PLEC: variants seen among roughly 807,000 people sequenced by gnomAD.
PLEC encodes plectin.
Under a neutral mutation model 392.8 loss-of-function variants are expected in PLEC, and 216 were observed. That is an observed-to-expected ratio of 0.55 (90% confidence interval 0.49 to 0.62). The LOEUF (loss-of-function observed/expected upper bound fraction) is 0.62. Among genes scored for constraint, PLEC ranks in the 20% least tolerant of loss-of-function variants. The pLI is 0.00. For missense variants in PLEC, 6,863 were observed against 6,563.4 expected, an observed-to-expected ratio of 1.05 and a Z score of -1.58; for synonymous variants, 3,621 against 2,980.6, an observed-to-expected ratio of 1.21 and a Z score of -7.00.
intron 1 of PLEC, among the ~76,000 whole-genome samples, chr8:143,961,626 G>A (rs977242000): frequency 1.3e-5 from 2 of 152,148 alleles, no homozygotes; most frequent in Admixed American, 6.5e-5. Flanking sequence ...ATTAAACTCC[G>A]TGTCCTAGGA....
chr8:143,940,870 G>A (rs925817269), upstream of PLEC, among the ~76,000 whole-genome samples: 1 of 152,118 alleles, frequency 6.6e-6, no homozygotes, highest in African/African-American at 2.4e-5. Flanking sequence ...CGTACACGCC[G>A]CCCAACGAAG....
intron 5 of PLEC, among the ~76,000 whole-genome samples, chr8:143,936,541 C>T (rs916156000): frequency 2.6e-5 from 4 of 152,236 alleles, no homozygotes; most frequent in Non-Finnish European, 4.4e-5. Flanking sequence ...GCCCACCCAC[C>T]CCTAGCTGCC....
In PLEC at chr8:143,918,665, A is replaced by G. The variant is rs782436708; in HGVS notation, c.11156T>C (p.Val3719Ala). 11 of 1,612,732 alleles carry G rather than the reference A, an allele frequency of 6.8e-6. No individual in the cohort carries two copies. The African/African-American group carries it at 1.5e-4, about 22-fold the overall frequency. Residue 3719 changes from valine to alanine, a missense_variant, in exon 32 of 32, where the codon GTG becomes GCG. Transcript: ENST00000345136. ...ALKKGLLSAE[V>A]ARLLLEAQAA... ...CTGTGCCTCCAGCAGCAGGCGGGCC[A>G]CCTCGGCACTCAGCAGCCCTTTCTT... is the stretch of plus-strand genomic sequence containing the variant.
Position 143,927,959 on chromosome 8 carries a change from C to A in PLEC, c.3294G>T (p.Thr1098=), listed in dbSNP as rs576249509. 2 of 1,601,402 alleles carry A rather than the reference C, an allele frequency of 1.2e-6. No homozygotes were observed. Among genetic ancestry groups the A allele is most frequent in the Non-Finnish European group, 1.7e-6 (2 of 1,171,944 alleles). Residue 1098 remains threonine, a synonymous_variant, in exon 26 of 32, where the codon ACG becomes ACT. Coordinates refer to ENST00000345136, the MANE Select transcript of PLEC (RefSeq NM_201384.3). ...CCCTGAGCACCTCCTCGGCCCCCTG[C>A]GTGCCGCGGATCACCAGGCTGATGG... is the stretch of plus-strand genomic sequence containing the variant. ...LKTISLVIRG[T]QGAEEVLRAH... is the part of the protein sequence containing the mutation.
chr8:143,942,279 C>T, upstream of PLEC: 1 of 1,327,078 alleles, frequency 7.5e-7, no homozygotes, highest in South Asian at 1.3e-5. Flanking sequence ...TGCACCGGGC[C>T]AAGGCGCCAC....
At chr8:143,962,504 C>T (rs545042486) in intron 1 of PLEC, among the ~76,000 whole-genome samples, 1 of 152,276 alleles carries the variant, frequency 6.6e-6, no homozygotes, top group South Asian at 2.1e-4. Flanking sequence ...GCCTCTGTGA[C>T]GAATATCTGA....
At chr8:143,948,869 C>T (rs565357707) in intron 1 of PLEC, among the ~76,000 whole-genome samples, 19 of 152,332 alleles carry the variant, frequency 1.2e-4, no homozygotes, top group African/African-American at 3.4e-4. Context: ...GCAGGGGTGC[C>T]GGGTGGGAGA....
In PLEC at chr8:143,919,887, C is replaced by A; in HGVS notation, c.9934G>T (p.Val3312Leu). ...GAAGCCAGGAGCTCGCTGGCTGGCA[C>A]AGGGGCACGGAGGCCGCTGAAGGAC... ...RLSFSGLRAP[V>L]PASELLASGV... Residue 3312 changes from valine to leucine, a missense_variant, in exon 32 of 32, where the codon GTG becomes TTG. By Grantham distance (32) the Val-to-Leu change is conservative (BLOSUM62 1). Coordinates refer to ENST00000345136, the MANE Select transcript of PLEC (RefSeq NM_201384.3). 6.2e-7 allele frequency: 1 copy of A among 1,613,144 alleles called. No individual in the cohort carries two copies.
chr8:143,970,801 G>A (rs953579760), intron 1 of PLEC, among the ~76,000 whole-genome samples: 1 of 152,194 alleles, frequency 6.6e-6, no homozygotes, highest in Non-Finnish European at 1.5e-5. Context: ...GCGGCAGAAC[G>A]GCCCAGCCTC....
intron 30 of PLEC, among the ~76,000 whole-genome samples, chr8:143,926,108 G>A (rs1825079381): frequency 6.6e-6 from 1 of 152,236 alleles, no homozygotes; most frequent in African/African-American, 2.4e-5. Flanking sequence ...AGGAGGCCCA[G>A]GCGTCCTCCC....
At position 143,917,655 on chromosome 8, in the gene PLEC, C is replaced by T. The variant is rs1554672771; in HGVS notation, c.12166G>A (p.Glu4056Lys). ...QIATGGIIDP[E>K]ESHRLPVEVA... ...TCCACGGGCAGCCGGTGGCTCTCCT[C>T]AGGGTCGATGATGCCGCCCGTGGCG... is the stretch of plus-strand genomic sequence containing the variant. Residue 4056 changes from glutamate (E) to lysine (K), a missense_variant, in exon 32 of 32, where the codon GAG becomes AAG. Coordinates refer to ENST00000345136, the MANE Select transcript of PLEC (RefSeq NM_201384.3). 2.5e-6 allele frequency: 4 copies of T among 1,613,682 alleles called. No individual in the cohort carries two copies. The highest frequency in any genetic ancestry group is 3.4e-6 in the Non-Finnish European group (4 of 1,180,018).
chr8:143,953,539 T>C (rs1241125116), upstream of PLEC, among the ~76,000 whole-genome samples: 4 of 151,786 alleles, frequency 2.6e-5, no homozygotes, highest in Non-Finnish European at 2.9e-5. Context: ...GCCAGCCCAG[T>C]AGGACCCCGA....
In PLEC at chr8:143,921,199, G is replaced by T. The variant is rs782298248; in HGVS notation, c.8622C>A (p.Asp2874Glu). ...YLQLLERCVEDPETGLCLLPL... is the reference protein window; with the variant it reads ...YLQLLERCVEEPETGLCLLPL... Reference sequence around the variant, plus strand: ...GCAGAAGGCACAGGCCCGTCTCGGGGTCCTCCACGCAGCGCTCCAGTAGCT... The same window carrying T: ...GCAGAAGGCACAGGCCCGTCTCGGGTTCCTCCACGCAGCGCTCCAGTAGCT... Residue 2874 changes from aspartate to glutamate, a missense_variant, in exon 32 of 32, where the codon GAC becomes GAA. Transcript: ENST00000345136. 3 of 1,614,022 alleles carry T rather than the reference G, an allele frequency of 1.9e-6. No individual in the cohort carries two copies. Among genetic ancestry groups the T allele is most frequent in the Non-Finnish European group, 2.5e-6 (3 of 1,180,054 alleles).
At position 143,925,312 on chromosome 8, in the gene PLEC, C is replaced by T. The variant is rs1485661864; in HGVS notation, c.4617G>A (p.Glu1539=). 3.8e-6 allele frequency: 6 copies of T among 1,568,300 alleles called. No individual in the cohort carries two copies. The highest frequency in any genetic ancestry group is 5.1e-6 in the Non-Finnish European group (6 of 1,165,384). ...CCTCCTCCGCCTGCAGCCGCAGCTC[C>T]TCCAGGGCCTGCAGGGCCCGCTGCT... is the stretch of plus-strand genomic sequence containing the variant. ...REKQRALQAL[E]ELRLQAEEAE... is the part of the protein sequence containing the mutation. The change falls in exon 31 of 32, where the codon GAG becomes GAA. Residue 1539 remains glutamate (E), a synonymous_variant. Transcript: ENST00000345136.
At chr8:143,960,180 G>A (rs1554740413) in intron 1 of PLEC, among the ~76,000 whole-genome samples, 1 of 151,892 alleles carries the variant, frequency 6.6e-6, no homozygotes, top group African/African-American at 2.4e-5. Flanking sequence ...TACTTGTGAG[G>A]CTGAAGCAGA....
rs546933664 is a variant in PLEC, at chr8:143,969,311, C to G, written c.70+4092G>C. 1.3e-5 allele frequency among the ~76,000 whole-genome samples: 2 copies of G among 152,228 alleles called. No individual in the cohort carries two copies. The highest frequency in any genetic ancestry group is 1.9e-4 in the East Asian group (1 of 5,204). ...TGTCTGCCTGAGCCCCTCAGCCCCC[C>G]CATTCTCCCTGTCCCCCATCCAGGG... On this transcript the variant is annotated intron_variant, in intron 1 of 31. Transcript: ENST00000356346. The surrounding 1 kb of genome is among the most constrained non-coding windows in gnomAD (Gnocchi z 5.1).
upstream of PLEC, among the ~76,000 whole-genome samples, chr8:143,952,641 T>G (rs1832307302): frequency 6.7e-6 from 1 of 148,260 alleles, no homozygotes; most frequent in Admixed American, 6.7e-5. Context: ...CCCCCAGATC[T>G]CCAAGGGCCC....
At chr8:143,960,391 C>A (rs377416463) in intron 1 of PLEC, among the ~76,000 whole-genome samples, 37 of 152,056 alleles carry the variant, frequency 2.4e-4, no homozygotes, top group African/African-American at 8.7e-4. Flanking sequence ...TCAAGGCGGG[C>A]GGATCACCTG....
At chr8:143,927,185 G>A (rs1825518528) in intron 28 of PLEC, 67 bp downstream of exon 28, 1 of 1,584,224 alleles carries the variant, frequency 6.3e-7, no homozygotes, top group Non-Finnish European at 8.7e-7. Context: ...CCAGGCTCAG[G>A]GAAAGCCCGC....
Sources: gnomAD v4.1 joint callset for allele counts (sites outside exome capture counted in the v4.1 genomes callset) on GRCh38, gnomAD v4.1.1 for gene constraint, Gnocchi (gnomAD v3.1) non-coding constraint, MANE v1.5 for transcripts, NCBI Gene and HGNC (gene_info 2026-07-23, HGNC 2026-07-21) for gene names.